Variants in GLI2 observed in about 807,000 individuals in gnomAD.
GLI2 encodes the protein transcription activator GLI2.
GLI2 carries 22 observed loss-of-function variants against 78.9 expected under a neutral mutation model. The ratio of observed to expected loss-of-function variants is 0.28; its 90% CI spans 0.20 to 0.40. The LOEUF (loss-of-function observed/expected upper bound fraction) is 0.40. Ranked by LOEUF, GLI2 falls within the 10% of genes least tolerant of loss-of-function variation. GLI2 has a pLI of 1.00. For synonymous variants in GLI2, 974 were observed against 963.7 expected, an observed-to-expected ratio of 1.01 and a Z score of -0.20; for missense variants, 2,097 against 2,213.2, an observed-to-expected ratio of 0.95 and a Z score of 1.05.
intron 2 of GLI2, among the ~76,000 whole-genome samples, chr2:120,891,052 C>T (rs554111811): frequency 6.0e-4 from 92 of 152,320 alleles, no homozygotes; most frequent in Admixed American, 2.2e-3. Flanking sequence ...TTCTTGAGGA[C>T]CCACTGGGCA....
chr2:120,866,642 G>A (rs1285536737), intron 2 of GLI2: 1 of 151,834 alleles, frequency 6.6e-6, no homozygotes, highest in Non-Finnish European at 1.5e-5. Flanking sequence ...CATGGCACCT[G>A]GCAGACAGGG....
chr2:120,800,782 A>T lies in GLI2; in HGVS notation c.148+3314A>T, dbSNP rs531274523. Among the ~76,000 whole-genome samples the T allele has an allele frequency of 1.6e-4, 25 of 152,286 alleles. No homozygotes were observed. The highest frequency in any genetic ancestry group is 1.5e-3 in the Admixed American group (23 of 15,304). ...CAGCCTCCCAAAGTGCCGGGATTAC[A>T]GGTGTGAGCCACCGCACCCGGCCGA... is the stretch of plus-strand genomic sequence containing the variant. On this transcript the variant is annotated intron_variant, in intron 2 of 13. Coordinates refer to ENST00000361492, the MANE Select transcript of GLI2 (RefSeq NM_001374353.1). This position sits in a 1 kb window ranked among gnomAD's most constrained non-coding sequence, Gnocchi z 4.1.
intron 2 of GLI2, among the ~76,000 whole-genome samples, chr2:120,901,174 A>G (rs1338765075): frequency 6.6e-6 from 1 of 152,198 alleles, no homozygotes; most frequent in Admixed American, 6.5e-5. Context: ...TCCGTGTTTT[A>G]CTGAGTGCAG....
At chr2:120,935,056 C>T (rs960650262) in intron 3 of GLI2, among the ~76,000 whole-genome samples, 21 of 152,184 alleles carry the variant, frequency 1.4e-4, no homozygotes, top group African/African-American at 5.1e-4. Flanking sequence ...CCGAGGTTCA[C>T]GATTCATAGA....
intron 2 of GLI2, among the ~76,000 whole-genome samples, chr2:120,799,347 A>C (rs902018669): frequency 2.6e-5 from 4 of 152,140 alleles, no homozygotes; most frequent in Non-Finnish European, 5.9e-5. Flanking sequence ...CGGAGGGTGG[A>C]CCCAGCCTTC....
chr2:120,962,986 A>G (rs574719480), intron 5 of GLI2, among the ~76,000 whole-genome samples: 26 of 152,324 alleles, frequency 1.7e-4, no homozygotes, highest in Non-Finnish European at 2.8e-4. Context: ...TCACTCCTGC[A>G]TCTTTCTTTG....
chr2:120,841,850 T>G (rs116021334), intron 2 of GLI2, among the ~76,000 whole-genome samples: 3,470 of 123,396 alleles, frequency 0.028, 50 homozygotes, highest in Non-Finnish European at 0.043. Context: ...GTCTGGAGGG[T>G]GTGTGTGTGT....
chr2:120,829,097 C>T (rs949438702), intron 2 of GLI2, among the ~76,000 whole-genome samples: 2 of 57,018 alleles, frequency 3.5e-5, no homozygotes, highest in African/African-American at 8.7e-5. Context: ...CAGCCACGCA[C>T]CTGCACCCAT....
At chr2:120,926,082 A>AAG (rs1679655509) in intron 2 of GLI2, among the ~76,000 whole-genome samples, 1 of 150,680 alleles carries the variant, frequency 6.6e-6, no homozygotes, top group African/African-American at 2.4e-5. Context: ...CAAAAAAAAA[A>AAG]AAAAAAAAAA....
At chr2:120,914,800 C>T (rs1186517426) in intron 2 of GLI2, among the ~76,000 whole-genome samples, 1 of 152,224 alleles carries the variant, frequency 6.6e-6, no homozygotes, top group Non-Finnish European at 1.5e-5. Flanking sequence ...TGGGTCCTGT[C>T]CCTATCCTCA....
chr2:120,975,179 C>A, intron 9 of GLI2, 70 bp downstream of exon 9: 1 of 1,494,754 alleles, frequency 6.7e-7, no homozygotes, highest in Non-Finnish European at 9.3e-7. Context: ...CTGAGCCTTC[C>A]AGGGCCTCTA....
At chr2:120,935,531 CAGGAG>C (rs1680157826) in intron 3 of GLI2, among the ~76,000 whole-genome samples, 2 of 152,216 alleles carry the variant, frequency 1.3e-5, no homozygotes, top group African/African-American at 4.8e-5. Flanking sequence ...GGAGCAGTAG[CAGGAG>C]TCTGTGCCCA....
At chr2:120,824,349 G>C (rs1280767798) in intron 2 of GLI2, among the ~76,000 whole-genome samples, 7 of 152,270 alleles carry the variant, frequency 4.6e-5, no homozygotes, top group Non-Finnish European at 1.0e-4. Flanking sequence ...CAGGGGGACT[G>C]TGTGGAGTGG....
chr2:120,780,886 A>T (rs1305471920), intron 1 of GLI2, among the ~76,000 whole-genome samples: 1 of 152,162 alleles, frequency 6.6e-6, no homozygotes, highest in African/African-American at 2.4e-5. Context: ...TCTGGACACC[A>T]GTGAGGTGAC....
chr2:120,868,497 G>T (rs555733662), intron 2 of GLI2, among the ~76,000 whole-genome samples: 1 of 152,328 alleles, frequency 6.6e-6, no homozygotes, highest in Non-Finnish European at 1.5e-5. Context: ...AAAAGTGGGA[G>T]GACTTTTTCC....
chr2:120,766,438 T>G (rs1683369523), intron 1 of GLI2, among the ~76,000 whole-genome samples: 1 of 152,132 alleles, frequency 6.6e-6, no homozygotes, highest in Admixed American at 6.5e-5. Flanking sequence ...TGGAGAGGAT[T>G]GTGGGGGAAG....
intron 2 of GLI2, among the ~76,000 whole-genome samples, chr2:120,861,311 T>C (rs151096755): frequency 6.6e-6 from 1 of 152,250 alleles, no homozygotes; most frequent in East Asian, 1.9e-4. Flanking sequence ...GACGTGAATA[T>C]GAAATAGCAG....
At chr2:120,966,030 A>G (rs186632079) in intron 5 of GLI2, among the ~76,000 whole-genome samples, 1 of 152,376 alleles carries the variant, frequency 6.6e-6, no homozygotes, top group Non-Finnish European at 1.5e-5. Context: ...TAGAATAAAC[A>G]GCGAAAGCAG....
intron 2 of GLI2, among the ~76,000 whole-genome samples, chr2:120,889,837 A>G (rs1233777289): frequency 6.6e-6 from 1 of 152,214 alleles, no homozygotes; most frequent in Admixed American, 6.5e-5. Context: ...AATGCAGAGA[A>G]ACAGGAGCAC....
Sources: gnomAD v4.1 joint callset for allele counts (sites outside exome capture counted in the v4.1 genomes callset) on GRCh38, gnomAD v4.1.1 for gene constraint, Gnocchi (gnomAD v3.1) non-coding constraint, MANE v1.5 for transcripts, NCBI Gene and HGNC (gene_info 2026-07-23, HGNC 2026-07-21) for gene names.